The following OBP2B variants were observed in gnomAD, a reference collection of about 807,000 sequenced individuals.
The protein encoded by OBP2B is odorant-binding protein 2b.
OBP2B carries 10 observed loss-of-function variants against 21.7 expected under a neutral mutation model. That is an observed-to-expected ratio of 0.46 (90% CI 0.28 to 0.78). The LOEUF (loss-of-function observed/expected upper bound fraction) is 0.78, where lower values mean the gene tolerates loss of function less well. OBP2B is among the 30% of genes least tolerant of loss of function. The pLI is 0.11. For missense variants in OBP2B, 153 were observed against 217.7 expected, an observed-to-expected ratio of 0.70 and a Z score of 1.87; for synonymous variants, 73 against 91.5, an observed-to-expected ratio of 0.80 and a Z score of 1.16.
chr9:133,207,710 C>G (rs1325943481), intron 3 of OBP2B: 6 of 589,332 alleles, frequency 1.0e-5, no homozygotes, highest in Non-Finnish European at 1.8e-5. Context: ...CTCCTCATCC[C>G]TAACCCTCAG....
chr9:133,207,839 C>T, intron 3 of OBP2B: 1 of 1,494,236 alleles, frequency 6.7e-7, no homozygotes. Flanking sequence ...CCTCCCCGTA[C>T]CTAATCCTTG....
chr9:133,215,594 T>C, the OBP2B span, among the ~76,000 whole-genome samples: 1 of 152,038 alleles, frequency 6.6e-6, no homozygotes, highest in South Asian at 2.1e-4. Context: ...TCTCGACTCA[T>C]TGCAACCTCC....
chr9:133,205,856 C>G, intron 6 of OBP2B, 61 bp downstream of exon 6: 2 of 1,613,400 alleles, frequency 1.2e-6, no homozygotes, highest in Non-Finnish European at 1.7e-6. Flanking sequence ...CAGATGTACC[C>G]TCGAACCCCG....
the OBP2B span, among the ~76,000 whole-genome samples, chr9:133,218,196 G>A: frequency 6.6e-6 from 1 of 152,194 alleles, no homozygotes; most frequent in Non-Finnish European, 1.5e-5. Context: ...CAGGTGGCAG[G>A]AGCATCCAGT....
chr9:133,207,756 C>A, intron 3 of OBP2B: 1 of 926,692 alleles, frequency 1.1e-6, no homozygotes, highest in Non-Finnish European at 1.6e-6. Flanking sequence ...CCGTCCCTAA[C>A]CCTCAGCCTC....
chr9:133,205,380 G>A lies in OBP2B; in HGVS notation c.*33C>T. 6.6e-7 allele frequency: 1 copy of A among 1,509,244 alleles called. No individual in the cohort carries two copies. The highest frequency in any genetic ancestry group is 2.0e-5 in the Admixed American group (1 of 50,014). The allele number at this position is 1,509,244 out of a possible 1,614,324, so 93.5% of individuals were successfully genotyped here. On this transcript the variant is annotated 3_prime_UTR_variant, in exon 7 of 7. Transcript: ENST00000372034. ...GTCCAGGCTCTGTGTCTGGTGGTAG[G>A]GTGGGCTCTGGAGGTGCAGACCCGG...
chr9:133,208,497 C>T lies in OBP2B; in HGVS notation c.178G>A (p.Gly60Arg), dbSNP rs1390355897. ...SPVKVTALGG[G>R]KLEATFTFMR... ...AAGGTGAACGTGGCTTCCAACTTCC[C>T]ACCGCCCAGGGCTGTCACCTTCACT... Residue 60 changes from glycine to arginine, a missense_variant, in exon 2 of 7, where the codon GGG (glycine) becomes AGG (arginine). Physicochemically the swap from Gly to Arg is moderately radical, Grantham distance 125 (BLOSUM62 -2). Transcript: ENST00000372034. 3 of 1,613,756 alleles carry T rather than the reference C, an allele frequency of 1.9e-6. No homozygotes were observed. The highest frequency in any genetic ancestry group is 2.7e-5 in the African/African-American group (2 of 74,904).
upstream of OBP2B, among the ~76,000 whole-genome samples, chr9:133,209,622 G>A (rs369796320): frequency 3.8e-3 from 571 of 152,208 alleles, 1 homozygote; most frequent in African/African-American, 0.012. This position sits in a 1 kb window ranked among gnomAD's most constrained non-coding sequence, Gnocchi z 6.0. Context: ...AAGTCCTCTG[G>A]GGAACTGGCC....
the OBP2B span, among the ~76,000 whole-genome samples, chr9:133,219,050 C>A: frequency 6.6e-6 from 1 of 152,248 alleles, no homozygotes; most frequent in Non-Finnish European, 1.5e-5. Flanking sequence ...CTGTCTTCAA[C>A]AAATGGCTCT....
upstream of OBP2B, among the ~76,000 whole-genome samples, chr9:133,213,789 A>G (rs1252146041): frequency 1.3e-5 from 2 of 152,234 alleles, no homozygotes; most frequent in African/African-American, 4.8e-5. Flanking sequence ...TTTAATTTTA[A>G]AAGCTTCCAA....
At chr9:133,206,509 C>G in intron 4 of OBP2B, 93 bp from the exon 5 acceptor site, 1 of 1,525,068 alleles carries the variant, frequency 6.6e-7, no homozygotes, top group Non-Finnish European at 9.0e-7. Context: ...CGGCCCAGCA[C>G]CAGGACAGGG....
the OBP2B span, among the ~76,000 whole-genome samples, chr9:133,217,558 T>C: frequency 6.6e-6 from 1 of 152,236 alleles, no homozygotes; most frequent in African/African-American, 2.4e-5. Context: ...ACACACCACA[T>C]TGAATTCAGG....
At chr9:133,208,353 AAGGCAGGGG>A (rs2119399054) in intron 2 of OBP2B, 107 bp downstream of exon 2, 1 of 1,599,162 alleles carries the variant, frequency 6.3e-7, no homozygotes, top group East Asian at 2.3e-5. Flanking sequence ...GTTTCCCTCC[AAGGCAGGGG>A]GTGACTCTTC....
At chr9:133,210,027 C>T (rs1390910540), upstream of OBP2B, among the ~76,000 whole-genome samples, 4 of 152,168 alleles carry the variant, frequency 2.6e-5, no homozygotes, top group African/African-American at 9.7e-5. Context: ...GCTTTGACGG[C>T]CCCCAGCCCC....
chr9:133,206,327 G>T lies in OBP2B; in HGVS notation c.478C>A (p.Pro160Thr). The T allele has an allele frequency of 6.2e-7, 1 of 1,614,000 alleles. No homozygotes were observed. The highest frequency in any genetic ancestry group is 8.5e-7 in the Non-Finnish European group (1 of 1,179,892). The change falls in exon 5 of 7, where the codon CCC (proline) becomes ACC (threonine). Residue 160 changes from proline (P) to threonine (T), a missense_variant. Coordinates refer to ENST00000372034, the MANE Select transcript of OBP2B (RefSeq NM_014581.4). Reference sequence around the variant, plus strand: ...CAGCCATCCTCACCCGTCTGCAGGGGCGTGAAAATGTCCTCCTCCGAGAGT... The same window carrying T: ...CAGCCATCCTCACCCGTCTGCAGGGTCGTGAAAATGTCCTCCTCCGAGAGT... Reference protein sequence around the residue: ...KGLSEEDIFTPLQTGSCVPEH With the variant: ...KGLSEEDIFTTLQTGSCVPEH
At position 133,205,932 on chromosome 9, in the gene OBP2B, C is replaced by G. The variant is rs11244035; in HGVS notation, c.499G>C (p.Val167Leu). ...GCTCACTCACCCTAGTGTTCGGGAA[C>G]GCAGCTTCCTGCAGAGACCAAGAAA... Reference protein sequence around the residue: ...IFTPLQTGSCVPEH With the variant: ...IFTPLQTGSCLPEH The change falls in exon 6 of 7, where the codon GTT (valine) becomes CTT (leucine). Residue 167 changes from valine to leucine, a missense_variant. Around this residue, in one of 2 missense-constraint regions of OBP2B, gnomAD observed 151 missense variants for 186.3 expected, o/e 0.81. Transcript: ENST00000372034. 3 of 1,445,872 alleles carry G rather than the reference C, an allele frequency of 2.1e-6. No homozygotes were observed. Among genetic ancestry groups the G allele is most frequent in the African/African-American group, 1.4e-5 (1 of 73,920 alleles). The allele number at this position is 1,445,872 out of a possible 1,614,324, so 89.6% of individuals were successfully genotyped here.
chr9:133,211,249 C>T (rs1363899739), upstream of OBP2B, among the ~76,000 whole-genome samples: 1 of 152,230 alleles, frequency 6.6e-6, no homozygotes, highest in African/African-American at 2.4e-5. Flanking sequence ...GTTAAGGCTG[C>T]AAGACCAACT....
At position 133,208,570 on chromosome 9, in the gene OBP2B, C is replaced by T. The variant is rs782618334; in HGVS notation, c.105G>A (p.Val35=). 9.3e-6 allele frequency: 15 copies of T among 1,612,220 alleles called. No homozygotes were observed. The Admixed American group carries it at 2.5e-4, about 27-fold the overall frequency. The change falls in exon 2 of 7, where the codon GTG becomes GTA. Residue 35 remains valine (V), a synonymous_variant. Coordinates refer to ENST00000372034, the MANE Select transcript of OBP2B (RefSeq NM_014581.4). ...ITGTWYVKAM[V]VDKDFPEDRR... ...TGTCCTCCGGAAAGTCCTTATCGAC[C>T]ACCATGGCCTTCACGTACCAGGTCC...
the OBP2B span, among the ~76,000 whole-genome samples, chr9:133,216,365 G>T: frequency 6.6e-6 from 1 of 151,090 alleles, no homozygotes; most frequent in Non-Finnish European, 1.5e-5. Flanking sequence ...GCAAATAAAA[G>T]CCATGATATA....
Sources: gnomAD v4.1 joint callset for allele counts (sites outside exome capture counted in the v4.1 genomes callset) on GRCh38, gnomAD v4.1.1 for gene constraint, gnomAD v4.1.1 regional missense constraint, Gnocchi (gnomAD v3.1) non-coding constraint, MANE v1.5 for transcripts, NCBI Gene and HGNC (gene_info 2026-07-23, HGNC 2026-07-21) for gene names.